The following TRPM3 variants were observed in gnomAD, a reference collection of about 807,000 sequenced individuals.
TRPM3 encodes the protein transient receptor potential cation channel subfamily M member 3, also known as long transient receptor potential channel 3.
In TRPM3, 77 loss-of-function variants were observed where a neutral mutation model predicts 181.2. The ratio of observed to expected loss-of-function variants is 0.42; its 90% confidence interval spans 0.35 to 0.51. The LOEUF (loss-of-function observed/expected upper bound fraction) is 0.51. TRPM3 is among the 20% of genes least tolerant of loss of function. TRPM3 has a pLI of 0.01. For synonymous variants in TRPM3, 745 were observed against 796.4 expected, an observed-to-expected ratio of 0.94 and a Z score of 1.09; for missense variants, 1,759 against 2,196.7, an observed-to-expected ratio of 0.80 and a Z score of 3.98.
At chr9:71,286,355 C>T (rs961659427) in intron 1 of TRPM3, among the ~76,000 whole-genome samples, 4 of 152,172 alleles carry the variant, frequency 2.6e-5, no homozygotes, top group Admixed American at 6.5e-5. Context: ...GAGCCAGAAT[C>T]GTGCTGTGAT....
intron 1 of TRPM3, among the ~76,000 whole-genome samples, chr9:71,216,358 G>C (rs887221345): frequency 9.2e-5 from 14 of 152,206 alleles, no homozygotes; most frequent in Admixed American, 8.5e-4. Context: ...TAGATGTCTA[G>C]TTCATGGTGA....
chr9:70,546,735 AT>A (rs1208273161), intron 25 of TRPM3, among the ~76,000 whole-genome samples: 1 of 151,426 alleles, frequency 6.6e-6, no homozygotes, highest in Non-Finnish European at 1.5e-5. Context: ...AAGCTTGGTT[AT>A]TTGAGTATAA....
At chr9:70,758,957 C>T (rs2077580094) in intron 8 of TRPM3, among the ~76,000 whole-genome samples, 1 of 152,162 alleles carries the variant, frequency 6.6e-6, no homozygotes. Flanking sequence ...AAAGCAATGG[C>T]AACACAAGCC....
intron 8 of TRPM3, among the ~76,000 whole-genome samples, chr9:70,693,453 G>A (rs2069174139): frequency 6.6e-6 from 1 of 152,028 alleles, no homozygotes; most frequent in Non-Finnish European, 1.5e-5. Context: ...ATTTCTTATG[G>A]GGTTGTAAAC....
At chr9:71,285,550 A>G (rs1048510268) in intron 1 of TRPM3, among the ~76,000 whole-genome samples, 3 of 152,308 alleles carry the variant, frequency 2.0e-5, no homozygotes, top group African/African-American at 4.8e-5. Context: ...GGCAAACTCC[A>G]GAGAAACAAG....
intron 1 of TRPM3, among the ~76,000 whole-genome samples, chr9:71,156,360 T>TTA (rs1392645950): frequency 7.1e-6 from 1 of 141,188 alleles, no homozygotes; most frequent in Non-Finnish European, 1.5e-5. Context: ...TCATTAGGTA[T>TTA]TATATATATA....
chr9:70,881,902 T>C (rs1341374666), intron 1 of TRPM3, among the ~76,000 whole-genome samples: 2 of 152,194 alleles, frequency 1.3e-5, no homozygotes, highest in Non-Finnish European at 2.9e-5. Flanking sequence ...CTGTGTCTCC[T>C]CTGATTGCTA....
chr9:70,799,855 C>T (rs1456082878), intron 6 of TRPM3, among the ~76,000 whole-genome samples: 2 of 152,146 alleles, frequency 1.3e-5, no homozygotes, highest in African/African-American at 2.4e-5. Context: ...TTAACTCCAA[C>T]AACTTCATCA....
intron 1 of TRPM3, among the ~76,000 whole-genome samples, chr9:71,137,384 A>G (rs915673908): frequency 2.0e-5 from 3 of 152,226 alleles, no homozygotes; most frequent in Non-Finnish European, 4.4e-5. Flanking sequence ...TATCAAGTAA[A>G]CAAATTAACT....
At chr9:70,877,992 AC>A (rs543836967) in intron 1 of TRPM3, among the ~76,000 whole-genome samples, 70 of 151,990 alleles carry the variant, frequency 4.6e-4, no homozygotes, top group African/African-American at 1.7e-3. Flanking sequence ...TTTTCTCTTT[AC>A]TTTTTTGAAT....
At chr9:70,877,305 T>G (rs1164405951) in intron 1 of TRPM3, among the ~76,000 whole-genome samples, 1 of 152,032 alleles carries the variant, frequency 6.6e-6, no homozygotes, top group African/African-American at 2.4e-5. Flanking sequence ...AACATTATTT[T>G]AGATCCTCAA....
intron 1 of TRPM3, among the ~76,000 whole-genome samples, chr9:71,130,914 T>C (rs967427778): frequency 6.6e-6 from 1 of 152,232 alleles, no homozygotes; most frequent in Non-Finnish European, 1.5e-5. Context: ...TGTTTTTCTT[T>C]GTACTTTAAT....
chr9:71,416,955 A>G (rs187735070), intron 1 of TRPM3, among the ~76,000 whole-genome samples: 43 of 152,064 alleles, frequency 2.8e-4, no homozygotes, highest in African/African-American at 8.9e-4. Flanking sequence ...TGGTTTCTTT[A>G]CTCAGCATAT....
intron 1 of TRPM3, among the ~76,000 whole-genome samples, chr9:71,358,326 A>AT (rs1400689263): frequency 1.3e-5 from 2 of 152,176 alleles, no homozygotes; most frequent in African/African-American, 4.8e-5. Flanking sequence ...TATGGATTCA[A>AT]TCCCCACATA....
intron 1 of TRPM3, among the ~76,000 whole-genome samples, chr9:71,214,250 G>C (rs2079702143): frequency 6.6e-6 from 1 of 152,182 alleles, no homozygotes; most frequent in Non-Finnish European, 1.5e-5. Flanking sequence ...AGGAGCAATA[G>C]TTGTAGGAAT....
chr9:70,818,954 A>G (rs1330503730), intron 6 of TRPM3, among the ~76,000 whole-genome samples: 7 of 152,164 alleles, frequency 4.6e-5, no homozygotes, highest in Non-Finnish European at 8.8e-5. Context: ...AGGTTTGTTA[A>G]ATACATATTT....
chr9:71,370,139 T>C (rs1226521039), intron 1 of TRPM3, among the ~76,000 whole-genome samples: 1 of 152,182 alleles, frequency 6.6e-6, no homozygotes, highest in Non-Finnish European at 1.5e-5. Context: ...CCATCCTCTG[T>C]TTCTTTCCCT....
At chr9:71,209,184 T>G (rs2079315762) in intron 1 of TRPM3, among the ~76,000 whole-genome samples, 1 of 152,158 alleles carries the variant, frequency 6.6e-6, no homozygotes, top group Admixed American at 6.5e-5. Context: ...GAATAAGCTT[T>G]TCACTTCTAT....
chr9:71,022,567 C>A (rs2134524935), intron 1 of TRPM3, among the ~76,000 whole-genome samples: 1 of 151,924 alleles, frequency 6.6e-6, no homozygotes, highest in African/African-American at 2.4e-5. Flanking sequence ...GTATGGTGGC[C>A]ACTACCTATA....
Sources: allele counts gnomAD v4.1 joint callset (sites outside exome capture counted in the v4.1 genomes callset), GRCh38; gene constraint gnomAD v4.1.1; transcripts MANE v1.5; gene names NCBI Gene and HGNC (gene_info 2026-07-23, HGNC 2026-07-21).